ZFR2: variants seen among roughly 807,000 people sequenced by gnomAD.
The protein encoded by ZFR2 is zinc finger RNA binding protein 2.
A neutral mutation model predicts 105.7 loss-of-function variants in ZFR2; 104 were observed. The observed-to-expected ratio is 0.98, with a 90% CI of 0.84 to 1.16. The LOEUF is 1.16. ZFR2 is among the 50% of genes most tolerant of loss of function. The pLI, the probability that ZFR2 is intolerant of heterozygous loss-of-function variation, is 0.00. For synonymous variants in ZFR2, 634 were observed against 597.7 expected (o/e 1.06, Z -0.89); for missense variants, 1,425 against 1,355.5 (o/e 1.05, Z -0.80).
intron 1 of ZFR2, among the ~76,000 whole-genome samples, chr19:3,848,383 G>T (rs1219332239): frequency 6.6e-6 from 1 of 151,872 alleles, no homozygotes; most frequent in Non-Finnish European, 1.5e-5. Context: ...TTGCACTCCA[G>T]GCTGGGCAAT....
chr19:3,815,417 T>G (rs1159058809), intron 13 of ZFR2, among the ~76,000 whole-genome samples: 1 of 152,136 alleles, frequency 6.6e-6, no homozygotes, highest in Non-Finnish European at 1.5e-5. Context: ...CCTAAGATGA[T>G]CAATGTAAAT....
At chr19:3,836,542 G>A (rs1187065589) in intron 1 of ZFR2, among the ~76,000 whole-genome samples, 1 of 152,102 alleles carries the variant, frequency 6.6e-6, no homozygotes, top group South Asian at 2.1e-4. Flanking sequence ...GGCTCTGACT[G>A]TATTTTTTTT....
At chr19:3,849,480 C>A (rs541197232) in intron 1 of ZFR2, among the ~76,000 whole-genome samples, 16 of 151,878 alleles carry the variant, frequency 1.1e-4, no homozygotes, top group Non-Finnish European at 2.2e-4. Flanking sequence ...CTGGGCCCTG[C>A]AGCGTGCTGA....
chr19:3,868,195 C>G (rs1287521316), intron 1 of ZFR2, among the ~76,000 whole-genome samples: 2 of 151,362 alleles, frequency 1.3e-5, no homozygotes, highest in African/African-American at 4.9e-5. Flanking sequence ...TTTCTGTCTT[C>G]TCTCTTACCC....
intron 1 of ZFR2, among the ~76,000 whole-genome samples, chr19:3,835,453 G>C (rs4459668): frequency 0.057 from 8,553 of 149,900 alleles, 302 homozygotes; most frequent in Non-Finnish European, 0.082. Context: ...AGCCTCCCGA[G>C]TAGCTGGGAC....
intron 1 of ZFR2, among the ~76,000 whole-genome samples, chr19:3,852,864 G>A (rs2038256050): frequency 6.6e-6 from 1 of 152,210 alleles, no homozygotes. Context: ...GGACATCTGT[G>A]GTTGTCACCA....
chr19:3,850,900 CAAAAAAAAAA>C (rs59933286), intron 1 of ZFR2, among the ~76,000 whole-genome samples: 91 of 92,476 alleles, frequency 9.8e-4, no homozygotes, highest in African/African-American at 2.4e-3. Flanking sequence ...GCAGTCTTTT[CAAAAAAAAAA>C]AAAAAAAAAA....
chr19:3,807,745 C>T (rs200149253), intron 17 of ZFR2, among the ~76,000 whole-genome samples: 1 of 147,310 alleles, frequency 6.8e-6, no homozygotes, highest in Admixed American at 6.7e-5. Flanking sequence ...TGCATGTGTG[C>T]CTGTGCATGC....
Position 3,831,853 on chromosome 19 carries a change from G to A in ZFR2, c.405C>T (p.Pro135=). ...CGTGGCTGTGACTGCCATGGGGGCTGGGCTGCCCGCAGGCTTCTTGGGTCC... is the reference window on the plus strand; with the variant it reads ...CGTGGCTGTGACTGCCATGGGGGCTAGGCTGCCCGCAGGCTTCTTGGGTCC... ...QPGTQEACGQ[P]SPHGSHSHAQ... is the part of the protein sequence containing the mutation. Residue 135 remains proline, a synonymous_variant, in exon 4 of 19, where the codon CCC becomes CCT. Coordinates refer to ENST00000262961, the MANE Select transcript of ZFR2 (RefSeq NM_015174.2). 6.3e-7 allele frequency: 1 copy of A among 1,594,484 alleles called. No individual in the cohort carries two copies. The highest frequency in any genetic ancestry group is 8.5e-7 in the Non-Finnish European group (1 of 1,173,578).
At position 3,868,991 on chromosome 19, in the gene ZFR2, G is replaced by A; in HGVS notation, c.27C>T (p.Phe9=). The A allele has an allele frequency of 3.6e-6, 5 of 1,378,354 alleles. No homozygotes were observed. The highest frequency in any genetic ancestry group is 3.8e-6 in the Non-Finnish European group (4 of 1,055,776). The allele number at this position is 1,378,354 out of a possible 1,614,324, so 85.4% of individuals were successfully genotyped here. Residue 9 remains phenylalanine, a synonymous_variant, in exon 1 of 19, where the codon TTC becomes TTT. Coordinates refer to ENST00000262961, the MANE Select transcript of ZFR2 (RefSeq NM_015174.2). MATSQYFD[F]AQGGGPQYSA... ...TGTACTGCGGGCCGCCGCCCTGCGC[G>A]AAGTCGAAATACTGACTCGTCGCCA...
chr19:3,818,490 C>A (rs1386874075), intron 12 of ZFR2, among the ~76,000 whole-genome samples: 1 of 152,018 alleles, frequency 6.6e-6, no homozygotes, highest in African/African-American at 2.4e-5. Context: ...AACAAAAAAA[C>A]AACAACAACA....
intron 1 of ZFR2, among the ~76,000 whole-genome samples, chr19:3,854,382 G>A (rs2145185583): frequency 8.1e-6 from 1 of 123,854 alleles, no homozygotes; most frequent in South Asian, 2.7e-4. Context: ...GACAGAGCGA[G>A]ACTGTCTAAA....
intron 12 of ZFR2, among the ~76,000 whole-genome samples, chr19:3,817,274 C>T (rs970089258): frequency 1.3e-5 from 2 of 151,808 alleles, no homozygotes; most frequent in African/African-American, 4.8e-5. Context: ...ATTCACAAAC[C>T]TAGGCCGGGC....
chr19:3,836,289 C>T (rs1044232758), intron 1 of ZFR2, among the ~76,000 whole-genome samples: 1 of 152,064 alleles, frequency 6.6e-6, no homozygotes, highest in African/African-American at 2.4e-5. Flanking sequence ...GATGCAGTGC[C>T]TATGAATGCG....
At chr19:3,831,074 CAT>C (rs999085680) in intron 5 of ZFR2, among the ~76,000 whole-genome samples, 138 of 152,220 alleles carry the variant, frequency 9.1e-4, no homozygotes, top group Middle Eastern at 3.4e-3. Flanking sequence ...TTTGCACACA[CAT>C]ATGCACACAT....
chr19:3,861,590 T>C (rs2038374157), intron 1 of ZFR2, among the ~76,000 whole-genome samples: 1 of 151,820 alleles, frequency 6.6e-6, no homozygotes, highest in South Asian at 2.1e-4. Context: ...CACACCACTG[T>C]GCTCCAGCCT....
intron 6 of ZFR2, 71 bp downstream of exon 6, chr19:3,827,400 T>G: frequency 7.0e-7 from 1 of 1,434,418 alleles, no homozygotes; most frequent in Non-Finnish European, 9.1e-7. Flanking sequence ...CAGGTACCTC[T>G]GTGGGTCCCA....
At chr19:3,846,767 T>C (rs1316669935) in intron 1 of ZFR2, among the ~76,000 whole-genome samples, 1 of 152,264 alleles carries the variant, frequency 6.6e-6, no homozygotes, top group Non-Finnish European at 1.5e-5. Flanking sequence ...ATAAGCAGAA[T>C]ATACTTCTAC....
chr19:3,868,970 C>G lies in ZFR2; in HGVS notation c.48G>C (p.Gln16His). 7.4e-7 allele frequency: 1 copy of G among 1,354,362 alleles called. No homozygotes were observed. Among genetic ancestry groups the G allele is most frequent in the Non-Finnish European group, 9.6e-7 (1 of 1,043,566 alleles). 83.9% of individuals were successfully genotyped at this position (1,354,362 alleles called of 1,614,324 possible). A position where few individuals can be genotyped will look rare whatever the true frequency, so the allele number is the denominator to read the frequency against. Residue 16 changes from glutamine (Q) to histidine (H), a missense_variant, in exon 1 of 19, where the codon CAG becomes CAC. Coordinates refer to ENST00000262961, the MANE Select transcript of ZFR2 (RefSeq NM_015174.2). Reference sequence around the variant, plus strand: ...TGGCGCGGCGGGGCAGTTACCTGTACTGCGGGCCGCCGCCCTGCGCGAAGT... The same window carrying G: ...TGGCGCGGCGGGGCAGTTACCTGTAGTGCGGGCCGCCGCCCTGCGCGAAGT... ...YFDFAQGGGP[Q>H]YSAQPPTLPL...
Sources: allele counts gnomAD v4.1 joint callset (sites outside exome capture counted in the v4.1 genomes callset), GRCh38; gene constraint gnomAD v4.1.1; transcripts MANE v1.5; gene names NCBI Gene and HGNC (gene_info 2026-07-23, HGNC 2026-07-21).